The following ABTB3 variants were observed in gnomAD, a reference collection of about 807,000 sequenced individuals.
ABTB3 encodes the protein ankyrin repeat- and BTB/POZ domain-containing protein 3.
the ABTB3 span, among the ~76,000 whole-genome samples, chr12:107,377,794 T>C: frequency 6.6e-6 from 1 of 152,138 alleles, no homozygotes; most frequent in Non-Finnish European, 1.5e-5. Context: ...AGACCTTGTT[T>C]TGGGAAGGCA....
chr12:107,546,466 A>C, the ABTB3 span, among the ~76,000 whole-genome samples: 1 of 152,200 alleles, frequency 6.6e-6, no homozygotes, highest in Non-Finnish European at 1.5e-5. Context: ...GCTGGTCAGC[A>C]GGTCTTACTG....
At chr12:107,391,492 A>G in the ABTB3 span, among the ~76,000 whole-genome samples, 1 of 152,154 alleles carries the variant, frequency 6.6e-6, no homozygotes, top group Non-Finnish European at 1.5e-5. Flanking sequence ...TAACACTTAA[A>G]CACATTTGAT....
the ABTB3 span, among the ~76,000 whole-genome samples, chr12:107,424,736 AG>A: frequency 6.6e-6 from 1 of 152,182 alleles, no homozygotes; most frequent in African/African-American, 2.4e-5. Context: ...TGTTGCTGGA[AG>A]GGTCCACCTA....
At chr12:107,614,052 G>C in the ABTB3 span, among the ~76,000 whole-genome samples, 537 of 152,140 alleles carry the variant, frequency 3.5e-3, no homozygotes, top group African/African-American at 0.013. Context: ...GAGCATTCTC[G>C]GGTCCTCTCT....
the ABTB3 span, among the ~76,000 whole-genome samples, chr12:107,538,902 G>T: frequency 2.6e-5 from 4 of 152,090 alleles, no homozygotes; most frequent in Non-Finnish European, 4.4e-5. Flanking sequence ...CAGACTCTTC[G>T]TCAGACTTTT....
chr12:107,573,880 A>G, the ABTB3 span, among the ~76,000 whole-genome samples: 1 of 152,360 alleles, frequency 6.6e-6, no homozygotes, highest in African/African-American at 2.4e-5. Flanking sequence ...TTAAAGGTTA[A>G]TCTCATCTAA....
chr12:107,352,873 C>T, the ABTB3 span, among the ~76,000 whole-genome samples: 1 of 152,068 alleles, frequency 6.6e-6, no homozygotes, highest in Middle Eastern at 3.2e-3. Flanking sequence ...CCTATATGAA[C>T]CACCTGGATC....
chr12:107,540,465 C>T, the ABTB3 span, among the ~76,000 whole-genome samples: 1 of 152,142 alleles, frequency 6.6e-6, no homozygotes, highest in Non-Finnish European at 1.5e-5. Flanking sequence ...CTCACAGACA[C>T]ACCCAGAAAT....
chr12:107,538,239 T>A, the ABTB3 span, among the ~76,000 whole-genome samples: 1 of 152,340 alleles, frequency 6.6e-6, no homozygotes, highest in South Asian at 2.1e-4. Flanking sequence ...GAGAGCCAGA[T>A]GGCAGCAGCT....
chr12:107,595,986 A>T, the ABTB3 span, among the ~76,000 whole-genome samples: 2 of 152,054 alleles, frequency 1.3e-5, no homozygotes, highest in East Asian at 3.8e-4. Context: ...TTGTGTGTGT[A>T]TATATAATTA....
At chr12:107,594,224 C>T in the ABTB3 span, among the ~76,000 whole-genome samples, 1 of 152,338 alleles carries the variant, frequency 6.6e-6, no homozygotes, top group African/African-American at 2.4e-5. Flanking sequence ...ACAACACATT[C>T]AGACATGTGC....
the ABTB3 span, among the ~76,000 whole-genome samples, chr12:107,351,216 T>C: frequency 1.3e-5 from 2 of 152,256 alleles, no homozygotes; most frequent in Admixed American, 6.5e-5. Flanking sequence ...TCCTACCTCA[T>C]GCAGTTGGTA....
chr12:107,410,000 T>A, the ABTB3 span, among the ~76,000 whole-genome samples: 1 of 152,104 alleles, frequency 6.6e-6, no homozygotes, highest in African/African-American at 2.4e-5. Flanking sequence ...CTCAATGTAG[T>A]GCCTTGAGCA....
chr12:107,537,134 A>G, the ABTB3 span, among the ~76,000 whole-genome samples: 1 of 152,022 alleles, frequency 6.6e-6, no homozygotes, highest in Admixed American at 6.6e-5. Context: ...ACAGAAAGAT[A>G]AATACCACAT....
At chr12:107,442,508 G>A in the ABTB3 span, among the ~76,000 whole-genome samples, 2 of 152,134 alleles carry the variant, frequency 1.3e-5, no homozygotes, top group Non-Finnish European at 2.9e-5. Flanking sequence ...TCTTGACATC[G>A]GATGGCTTTT....
At chr12:107,594,495 G>A in the ABTB3 span, among the ~76,000 whole-genome samples, 2 of 152,104 alleles carry the variant, frequency 1.3e-5, no homozygotes, top group Non-Finnish European at 2.9e-5. Context: ...AGGAACTTTT[G>A]CAAGTGTTAC....
chr12:107,563,321 T>C, the ABTB3 span, among the ~76,000 whole-genome samples: 1 of 152,226 alleles, frequency 6.6e-6, no homozygotes, highest in African/African-American at 2.4e-5. Flanking sequence ...CAATCATTCA[T>C]TCACTCAAAG....
chr12:107,634,307 G>A, the ABTB3 span, among the ~76,000 whole-genome samples: 1 of 152,104 alleles, frequency 6.6e-6, no homozygotes, highest in South Asian at 2.1e-4. Context: ...AGCAATGCTT[G>A]TTTCTTGTAG....
the ABTB3 span, among the ~76,000 whole-genome samples, chr12:107,441,376 T>C: frequency 6.6e-6 from 1 of 152,096 alleles, no homozygotes; most frequent in Non-Finnish European, 1.5e-5. Context: ...AACCAAACAC[T>C]GCATGTCCTC....
Sources: gnomAD v4.1 joint callset for allele counts (sites outside exome capture counted in the v4.1 genomes callset) on GRCh38, gnomAD v4.1.1 for gene constraint, MANE v1.5 for transcripts, NCBI Gene and HGNC (gene_info 2026-07-23, HGNC 2026-07-21) for gene names.